Variants in SLC3A1 observed in about 807,000 individuals in gnomAD.
SLC3A1 encodes the protein amino acid transporter heavy chain SLC3A1.
Under a neutral mutation model 60.3 loss-of-function variants are expected in SLC3A1, and 78 were observed. The ratio of observed to expected loss-of-function variants is 1.29; its 90% CI spans 1.08 to 1.56. The LOEUF (loss-of-function observed/expected upper bound fraction) is 1.56. SLC3A1 is among the 40% of genes most tolerant of loss of function. The probability of loss-of-function intolerance (pLI) is 0.00; values close to 1 mark genes in which losing one functional copy is unlikely to be tolerated. For missense variants in SLC3A1, 1,172 were observed against 858.9 expected, an observed-to-expected ratio of 1.36 and a Z score of -4.56; for synonymous variants, 392 against 307.9, an observed-to-expected ratio of 1.27 and a Z score of -2.86.
intron 9 of SLC3A1, chr2:44,314,609 C>CACA: frequency 6.4e-6 from 1 of 155,170 alleles, no homozygotes; most frequent in Non-Finnish European, 1.4e-5. Flanking sequence ...CACACACACA[C>CACA]CATGCCCATC....
chr2:44,307,652 G>T (rs1394828428), intron 7 of SLC3A1, among the ~76,000 whole-genome samples: 1 of 149,756 alleles, frequency 6.7e-6, no homozygotes, highest in Non-Finnish European at 1.5e-5. Context: ...TGTCTTATTT[G>T]GAGTAATGTC....
At chr2:44,290,064 A>C (rs185414453) in intron 4 of SLC3A1, among the ~76,000 whole-genome samples, 1 of 146,528 alleles carries the variant, frequency 6.8e-6, no homozygotes. Context: ...TACATTTTAG[A>C]TTGTCTGTGA....
chr2:44,317,139 C>T (rs1280425230), intron 9 of SLC3A1, among the ~76,000 whole-genome samples: 1 of 152,018 alleles, frequency 6.6e-6, no homozygotes, highest in Non-Finnish European at 1.5e-5. Flanking sequence ...AGCCATTAAC[C>T]ACTGTGACTA....
At chr2:44,276,514 G>A (rs1349927083) in intron 1 of SLC3A1, among the ~76,000 whole-genome samples, 4 of 152,074 alleles carry the variant, frequency 2.6e-5, no homozygotes, top group Admixed American at 1.3e-4. Context: ...GTATGCATTC[G>A]TCATTACTTG....
intron 4 of SLC3A1, among the ~76,000 whole-genome samples, chr2:44,297,478 C>G (rs1266462971): frequency 6.6e-6 from 1 of 152,200 alleles, no homozygotes; most frequent in South Asian, 2.1e-4. Flanking sequence ...CAAGCTCTAG[C>G]TCTTCCTTCT....
chr2:44,309,161 T>G (rs556738625), intron 7 of SLC3A1, among the ~76,000 whole-genome samples: 1 of 152,338 alleles, frequency 6.6e-6, no homozygotes, highest in South Asian at 2.1e-4. Flanking sequence ...TATCAGTTTC[T>G]AGAACTTTTA....
rs533494726 is a variant in SLC3A1 at position 44,288,680 on chromosome 2, A to G, written c.891+2523A>G. Reference sequence around the variant, plus strand: ...CTTGTTATTGCATATATTTTTTATTACAGTCACCCTAGTGGGTATGAAGTG... The same window carrying G: ...CTTGTTATTGCATATATTTTTTATTGCAGTCACCCTAGTGGGTATGAAGTG... On this transcript the variant is annotated intron_variant, in intron 4 of 9. Transcript: ENST00000260649. 3.9e-5 allele frequency among the ~76,000 whole-genome samples: 6 copies of G among 152,352 alleles called. No homozygotes were observed. The East Asian group carries it at 1.2e-3, about 29-fold the overall frequency.
Position 44,275,812 on chromosome 2 carries a change from A to G in SLC3A1, c.277A>G (p.Thr93Ala). 6.2e-7 allele frequency: 1 copy of G among 1,614,252 alleles called. No homozygotes were observed. ...ACCTCGGGAGATCCTCTTCTGGCTC[A>G]CAGTGGCTTCTGTGCTGGTGCTCAT... ...RIPREILFWLTVASVLVLIAA... is the reference protein window; with the variant it reads ...RIPREILFWLAVASVLVLIAA... The change falls in exon 1 of 10, where the codon ACA (threonine) becomes GCA (alanine). Residue 93 changes from threonine to alanine, a missense_variant. Transcript: ENST00000260649.
At chr2:44,318,093 CTGTTTTTT>C (rs1193283296) in intron 9 of SLC3A1, 1 of 394,548 alleles carries the variant, frequency 2.5e-6, no homozygotes, top group African/African-American at 3.0e-5. Flanking sequence ...GATCTCAACA[CTGTTTTTT>C]TTTTTTTTTG....
At chr2:44,281,880 T>A (rs570496778) in intron 3 of SLC3A1, among the ~76,000 whole-genome samples, 1 of 151,656 alleles carries the variant, frequency 6.6e-6, no homozygotes, top group South Asian at 2.1e-4. Flanking sequence ...CCCCTTTGCA[T>A]TTTTTTTTCT....
intron 7 of SLC3A1, among the ~76,000 whole-genome samples, chr2:44,304,813 A>ATTTTTTTTT (rs70965349): frequency 1.2e-4 from 10 of 85,868 alleles, no homozygotes; most frequent in African/African-American, 3.7e-4. Context: ...CTTGAAAACA[A>ATTTTTTTTT]TTTTTTTTTT....
At chr2:44,318,140 G>T (rs779352951) in intron 9 of SLC3A1, 1 of 437,426 alleles carries the variant, frequency 2.3e-6, no homozygotes, top group Non-Finnish European at 4.6e-6. Flanking sequence ...ACCCATGCTC[G>T]AGTGCAGTGG....
At chr2:44,315,543 A>G (rs867476179) in intron 9 of SLC3A1, among the ~76,000 whole-genome samples, 13 of 149,608 alleles carry the variant, frequency 8.7e-5, no homozygotes, top group Admixed American at 3.4e-4. Context: ...GCCTGGTGAC[A>G]TGTGCCTGTC....
Position 44,320,334 on chromosome 2 carries a change from G to C in SLC3A1, c.1753G>C (p.Glu585Gln), listed in dbSNP as rs1445718744. 1.9e-6 allele frequency: 3 copies of C among 1,614,124 alleles called. No individual in the cohort carries two copies. The highest frequency in any genetic ancestry group is 2.2e-5 in the East Asian group (1 of 44,876). The change falls in exon 10 of 10, where the codon GAG (glutamate) becomes CAG (glutamine). Residue 585 changes from glutamate (E) to glutamine (Q), a missense_variant. Coordinates refer to ENST00000260649, the MANE Select transcript of SLC3A1 (RefSeq NM_000341.4). ...NDSHYVVYTR[E>Q]LDGIDRIFIV... ...CAGCCACTATGTTGTGTACACAAGAGAGCTGGATGGCATCGACAGAATCTT... is the reference window on the plus strand; with the variant it reads ...CAGCCACTATGTTGTGTACACAAGACAGCTGGATGGCATCGACAGAATCTT...
In SLC3A1 at chr2:44,315,411, G is replaced by A. The variant is rs998243387; in HGVS notation, c.1617+1460G>A. 2.6e-5 allele frequency among the ~76,000 whole-genome samples: 4 copies of A among 151,532 alleles called. No homozygotes were observed. In the East Asian group the frequency reaches 7.7e-4, roughly 29 times the overall value. On this transcript the variant is annotated intron_variant, in intron 9 of 9. Coordinates refer to ENST00000260649, the MANE Select transcript of SLC3A1 (RefSeq NM_000341.4). ...CAGCTGTAATCCCAGCATTTTGGGAGGCAAAAGCCAGAGGAATGCTTGAGC... is the reference window on the plus strand; with the variant it reads ...CAGCTGTAATCCCAGCATTTTGGGAAGCAAAAGCCAGAGGAATGCTTGAGC...
Position 44,312,763 on chromosome 2 carries a change from A to G in SLC3A1, c.1500+10A>G. ...TGAAAGCTATGATATTGTAAGTTGA[A>G]TACAACTTGACTATTCATCACAGCT... On this transcript the variant is annotated intron_variant, in intron 8 of 9. Transcript: ENST00000260649. The G allele has an allele frequency of 1.9e-6, 3 of 1,609,658 alleles. No homozygotes were observed. The highest frequency in any genetic ancestry group is 1.7e-4 in the Middle Eastern group (1 of 6,056).
chr2:44,321,837 G>A (rs778640593), downstream of SLC3A1: 1 of 1,613,662 alleles, frequency 6.2e-7, no homozygotes, highest in African/African-American at 1.3e-5. Context: ...CTTTTTGTGA[G>A]AATCCTCAAT....
chr2:44,289,614 T>A (rs1257725781), intron 4 of SLC3A1, among the ~76,000 whole-genome samples: 1 of 151,824 alleles, frequency 6.6e-6, no homozygotes, highest in Non-Finnish European at 1.5e-5. Flanking sequence ...GCGTTTTTAA[T>A]TTTGATGATG....
intron 5 of SLC3A1, 46 bp downstream of exon 5, chr2:44,300,136 G>A: frequency 6.3e-7 from 1 of 1,598,936 alleles, no homozygotes; most frequent in Non-Finnish European, 8.6e-7. Flanking sequence ...TTCTGAAAAT[G>A]TCATCAGAGT....
Sources: allele counts gnomAD v4.1 joint callset (sites outside exome capture counted in the v4.1 genomes callset), GRCh38; gene constraint gnomAD v4.1.1; transcripts MANE v1.5; gene names NCBI Gene and HGNC (gene_info 2026-07-23, HGNC 2026-07-21).